Variants in LIN52 observed in about 807,000 individuals in gnomAD.
The protein encoded by LIN52 is lin-52 DREAM MuvB core complex component.
Under a neutral mutation model 18.5 loss-of-function variants are expected in LIN52, and 4 were observed. The ratio of observed to expected loss-of-function variants is 0.22; its 90% confidence interval spans 0.11 to 0.49. LIN52 has a LOEUF of 0.49. LIN52 is among the 20% of genes least tolerant of loss of function. The pLI, the probability that LIN52 is intolerant of heterozygous loss-of-function variation, is 0.97. For missense variants in LIN52, 102 were observed against 139.5 expected, an observed-to-expected ratio of 0.73 and a Z score of 1.35; for synonymous variants, 34 against 45.5, an observed-to-expected ratio of 0.75 and a Z score of 1.02.
intron 5 of LIN52, among the ~76,000 whole-genome samples, chr14:74,191,217 TC>T (rs557292630): frequency 1.5e-4 from 23 of 152,352 alleles, no homozygotes; most frequent in African/African-American, 4.8e-4. Context: ...TCTCTGCCAA[TC>T]CACCAGAATA....
At chr14:74,085,560 G>A (rs1353166472) in intron 1 of LIN52, 1 of 152,234 alleles carries the variant, frequency 6.6e-6, no homozygotes, top group African/African-American at 2.4e-5. Context: ...TGAGAGTCGC[G>A]AGGAGAATCA....
At position 74,084,999 on chromosome 14, in the gene LIN52, A is replaced by G. The variant is rs2060714350; in HGVS notation, c.19+6A>G. 1.4e-6 allele frequency: 2 copies of G among 1,403,546 alleles called. No individual in the cohort carries two copies. Among genetic ancestry groups the G allele is most frequent in the East Asian group, 5.4e-5 (2 of 36,754 alleles). 86.9% of individuals were successfully genotyped at this position (1,403,546 alleles called of 1,614,324 possible). A position where few individuals can be genotyped will look rare whatever the true frequency, so the allele number is the denominator to read the frequency against. On this transcript the variant is annotated splice_donor_region_variant and intron_variant, in intron 1 of 5. Coordinates refer to ENST00000555028, the MANE Select transcript of LIN52 (RefSeq NM_001024674.3). ...GATGGCGTCTCCCACAGACGGTAAG[A>G]GCCGGCTTAGAGATCTTTGCCTGCA...
At chr14:74,175,743 CACA>C (rs2061290943) in intron 5 of LIN52, among the ~76,000 whole-genome samples, 3 of 142,418 alleles carry the variant, frequency 2.1e-5, no homozygotes, top group Non-Finnish European at 4.5e-5. Flanking sequence ...CACACACACA[CACA>C]CACACCCCCA....
intron 3 of LIN52, among the ~76,000 whole-genome samples, chr14:74,096,789 C>G (rs901461859): frequency 1.4e-4 from 22 of 152,080 alleles, no homozygotes; most frequent in Non-Finnish European, 2.8e-4. Flanking sequence ...TGAGGAGTCC[C>G]TTGCTCTACT....
Position 74,091,240 on chromosome 14 carries a change from C to T in LIN52, c.28C>T (p.Leu10=). Residue 10 remains leucine, a synonymous_variant, in exon 2 of 6, where the codon CTG becomes TTG. Coordinates refer to ENST00000555028, the MANE Select transcript of LIN52 (RefSeq NM_001024674.3). MASPTDGTD[L]EASLLSFEKL... Reference sequence around the variant, plus strand: ...TGGATGTTTTGTTCTAGGGACAGATCTGGAAGCATCTTTGCTAAGTTTTGA... The same window carrying T: ...TGGATGTTTTGTTCTAGGGACAGATTTGGAAGCATCTTTGCTAAGTTTTGA... 6.2e-7 allele frequency: 1 copy of T among 1,610,048 alleles called. No individual in the cohort carries two copies. The highest frequency in any genetic ancestry group is 8.5e-7 in the Non-Finnish European group (1 of 1,176,616).
chr14:74,154,957 T>C (rs1237397056), intron 5 of LIN52, among the ~76,000 whole-genome samples: 1 of 152,180 alleles, frequency 6.6e-6, no homozygotes, highest in East Asian at 1.9e-4. Context: ...ATCCCTGAGA[T>C]TGATTTTTGT....
intron 1 of LIN52, among the ~76,000 whole-genome samples, chr14:74,088,939 A>C (rs1411642544): frequency 1.3e-5 from 2 of 152,208 alleles, no homozygotes; most frequent in Non-Finnish European, 2.9e-5. Flanking sequence ...AGGCTGAGTA[A>C]GATTTTATAG....
intron 5 of LIN52, among the ~76,000 whole-genome samples, chr14:74,181,107 C>CAAAAAAAAAAAAAAAAA (rs149099646): frequency 3.1e-5 from 3 of 96,124 alleles, no homozygotes; most frequent in East Asian, 4.4e-4. Context: ...GACTCTGTCT[C>CAAAAAAAAAAAAAAAAA]AAAAAAAAAA....
chr14:74,087,751 A>T (rs1006630736), intron 1 of LIN52, among the ~76,000 whole-genome samples: 1 of 152,120 alleles, frequency 6.6e-6, no homozygotes, highest in South Asian at 2.1e-4. Flanking sequence ...TTCGTGATAA[A>T]TTTGCTGGAG....
At chr14:74,116,790 G>A (rs79288560) in intron 5 of LIN52, among the ~76,000 whole-genome samples, 1,560 of 148,624 alleles carry the variant, frequency 0.01, 12 homozygotes, top group Middle Eastern at 0.028. Flanking sequence ...AAGGATAATA[G>A]CAAGTGACAA....
chr14:74,183,793 T>A (rs1166362820), intron 5 of LIN52, among the ~76,000 whole-genome samples: 1 of 152,200 alleles, frequency 6.6e-6, no homozygotes, highest in African/African-American at 2.4e-5. Flanking sequence ...CATTCATAAA[T>A]ACGTTCATAC....
intron 5 of LIN52, among the ~76,000 whole-genome samples, chr14:74,144,288 T>C (rs955341165): frequency 6.6e-6 from 1 of 151,800 alleles, no homozygotes; most frequent in Non-Finnish European, 1.5e-5. Context: ...AATTTTTTTT[T>C]TTTTAATTGG....
intron 5 of LIN52, among the ~76,000 whole-genome samples, chr14:74,168,916 G>A (rs143449892): frequency 5.9e-5 from 9 of 151,816 alleles, no homozygotes; most frequent in Non-Finnish European, 1.2e-4. Flanking sequence ...ACAAAAATTA[G>A]CGGGGCATGG....
At chr14:74,107,152 G>T (rs914905176) in intron 5 of LIN52, among the ~76,000 whole-genome samples, 18 of 152,272 alleles carry the variant, frequency 1.2e-4, no homozygotes, top group African/African-American at 3.6e-4. Context: ...ATATTTGAAG[G>T]TCTTATTTCT....
chr14:74,182,700 A>G (rs1371153005), intron 5 of LIN52, among the ~76,000 whole-genome samples: 1 of 152,174 alleles, frequency 6.6e-6, no homozygotes, highest in African/African-American at 2.4e-5. Context: ...TTAGCTATCA[A>G]ACTGGCCTGG....
At position 74,149,187 on chromosome 14, in the gene LIN52, T is replaced by C. The variant is rs528260631; in HGVS notation, c.283+47949T>C. Among the ~76,000 whole-genome samples, 5 of 152,268 alleles carry C rather than the reference T, an allele frequency of 3.3e-5. No homozygotes were observed. The East Asian group carries it at 9.6e-4, about 29-fold the overall frequency. Reference sequence around the variant, plus strand: ...AATGAGCAAGAGTTCTTTGGAAAGATTAGGCAGCATGGTTTTAAAAATTCA... The same window carrying C: ...AATGAGCAAGAGTTCTTTGGAAAGACTAGGCAGCATGGTTTTAAAAATTCA... On this transcript the variant is annotated intron_variant, in intron 5 of 5. Coordinates refer to ENST00000555028, the MANE Select transcript of LIN52 (RefSeq NM_001024674.3).
At chr14:74,147,213 G>T (rs1163580915) in intron 5 of LIN52, among the ~76,000 whole-genome samples, 2 of 152,004 alleles carry the variant, frequency 1.3e-5, no homozygotes, top group Admixed American at 1.3e-4. Flanking sequence ...ACCCGAGATC[G>T]CACCATTGCA....
At chr14:74,155,354 C>T (rs181589553) in intron 5 of LIN52, among the ~76,000 whole-genome samples, 71 of 152,324 alleles carry the variant, frequency 4.7e-4, no homozygotes, top group African/African-American at 1.6e-3. Flanking sequence ...TTAATATGGA[C>T]GCCTCAGGAA....
intron 5 of LIN52, among the ~76,000 whole-genome samples, chr14:74,162,880 C>A (rs531930366): frequency 1.3e-5 from 2 of 152,114 alleles, no homozygotes; most frequent in Non-Finnish European, 2.9e-5. Flanking sequence ...GTCTTCTCAG[C>A]TAAATTGTAA....
Sources: gnomAD v4.1 joint callset for allele counts (sites outside exome capture counted in the v4.1 genomes callset) on GRCh38, gnomAD v4.1.1 for gene constraint, MANE v1.5 for transcripts, NCBI Gene and HGNC (gene_info 2026-07-23, HGNC 2026-07-21) for gene names.